Variants in ZNF485 observed in about 807,000 individuals in gnomAD.
ZNF485 encodes Zinc finger protein 93 (Zinc finger protein HTF34).
In ZNF485, 9 loss-of-function variants were observed where a neutral mutation model predicts 10.8. The ratio of observed to expected loss-of-function variants is 0.83; its 90% CI spans 0.50 to 1.45. The LOEUF is 1.45. Among genes scored for constraint, ZNF485 ranks in the 40% most tolerant of loss-of-function variants. The pLI is 0.00. For missense variants in ZNF485, 487 were observed against 528.0 expected (o/e 0.92, Z 0.76); for synonymous variants, 187 against 181.0 (o/e 1.03, Z -0.27).
intron 3 of ZNF485, 127 bp downstream of exon 3, chr10:43,608,867 A>G: frequency 1.5e-6 from 2 of 1,311,166 alleles, no homozygotes; most frequent in South Asian, 1.5e-5. Flanking sequence ...TTTCTTAAGT[A>G]TGGGCTTAGA....
At chr10:43,612,169 T>C (rs1045777698) in intron 4 of ZNF485, among the ~76,000 whole-genome samples, 4 of 152,236 alleles carry the variant, frequency 2.6e-5, no homozygotes, top group Non-Finnish European at 5.9e-5. Flanking sequence ...TATCTGTCTT[T>C]TCCATTTTGA....
Position 43,616,950 on chromosome 10 carries a change from TG to T in ZNF485, c.908del (p.Cys303LeufsTer136). 1 of 1,614,142 alleles carries T rather than the reference TG, an allele frequency of 6.2e-7. No homozygotes were observed. On this transcript the variant is annotated frameshift_variant, in exon 5 of 5. Transcript: ENST00000361807. LOFTEE classifies it low-confidence loss of function (END_TRUNC). Reference protein sequence around the residue: ...TGEKPYQCNECGKAFRKSSTL... With the variant: ...TGEKPYQCNEXGKAFRKSSTL... Reference sequence around the variant, plus strand: ...TGAGAAGCCATATCAGTGTAATGAATGTGGAAAAGCCTTTAGGAAGAGCTCA... The same window carrying T: ...TGAGAAGCCATATCAGTGTAATGAATTGGAAAAGCCTTTAGGAAGAGCTCA...
In ZNF485 at chr10:43,609,549, G is replaced by A. The variant is rs532519587; in HGVS notation, c.247+199G>A. 3.9e-5 allele frequency among the ~76,000 whole-genome samples: 6 copies of A among 152,230 alleles called. 1 individual carries two copies. The highest frequency in any genetic ancestry group is 1.4e-4 in the African/African-American group (6 of 41,532). ...TTGGGAGGGCTGCTGCCTTCCTGAG[G>A]GCCTCAGGCCCATCTGTGCCATCTC... On this transcript the variant is annotated intron_variant, in intron 4 of 4. Coordinates refer to ENST00000361807, the MANE Select transcript of ZNF485 (RefSeq NM_145312.4).
Position 43,607,106 on chromosome 10 carries a change from C to A in ZNF485, c.24+32C>A, listed in dbSNP as rs138432622. ...TTGATTTTTCCATTTCTTGAGAAAC[C>A]ACGTGTTTCAGCGAGGTGGGGTTTA... is the stretch of plus-strand genomic sequence containing the variant. On this transcript the variant is annotated intron_variant, in intron 2 of 4. Coordinates refer to ENST00000361807, the MANE Select transcript of ZNF485 (RefSeq NM_145312.4). 1.2e-4 allele frequency: 187 copies of A among 1,550,818 alleles called. No homozygotes were observed. The African/African-American group carries it at 2.2e-3, about 18-fold the overall frequency.
chr10:43,608,567 C>A (rs1420485371), intron 2 of ZNF485, 47 bp from the exon 3 acceptor site: 1 of 1,567,706 alleles, frequency 6.4e-7, no homozygotes, highest in Non-Finnish European at 8.7e-7. Flanking sequence ...CTTGGGATGC[C>A]TCCCTCAGGG....
chr10:43,609,110 G>T, intron 3 of ZNF485, 145 bp from the exon 4 acceptor site: 2 of 656,240 alleles, frequency 3.0e-6, no homozygotes, highest in Non-Finnish European at 5.2e-6. Context: ...CCACCCTCTA[G>T]GCCTCTCTGA....
intron 4 of ZNF485, among the ~76,000 whole-genome samples, chr10:43,615,881 C>G (rs924459200): frequency 6.6e-6 from 1 of 152,214 alleles, no homozygotes; most frequent in Non-Finnish European, 1.5e-5. Flanking sequence ...TTGGTGACAT[C>G]ATAATGTTCT....
chr10:43,607,567 C>G (rs1838677370), intron 2 of ZNF485, among the ~76,000 whole-genome samples: 1 of 152,098 alleles, frequency 6.6e-6, no homozygotes, highest in Admixed American at 6.5e-5. Context: ...GGTCTAGAAT[C>G]CCAGACTGGA....
At position 43,617,496 on chromosome 10, in the gene ZNF485, G is replaced by T; in HGVS notation, c.*127G>T. The stretch of plus-strand genomic sequence containing the variant: ...CACATCACTTGTGAGGATATTCATT[G>T]TGAGGTTCTACTAGTGAAATATTTG... On this transcript the variant is annotated 3_prime_UTR_variant, in exon 5 of 5. Coordinates refer to ENST00000361807, the MANE Select transcript of ZNF485 (RefSeq NM_145312.4). 1.4e-6 allele frequency: 1 copy of T among 720,192 alleles called. No individual in the cohort carries two copies. The highest frequency in any genetic ancestry group is 2.2e-6 in the Non-Finnish European group (1 of 444,976). The allele number at this position is 720,192 out of a possible 1,614,324, so 44.6% of individuals were successfully genotyped here. A position where few individuals can be genotyped will look rare whatever the true frequency, so the allele number is the denominator to read the frequency against.
At chr10:43,607,961 G>T (rs1838685529) in intron 2 of ZNF485, among the ~76,000 whole-genome samples, 1 of 152,224 alleles carries the variant, frequency 6.6e-6, no homozygotes, top group South Asian at 2.1e-4. Context: ...AGTTACGGCA[G>T]AAATTTAGAG....
rs375144967 is a variant in ZNF485, at chr10:43,606,966, G to A, written c.-54-31G>A. 2.5e-5 allele frequency: 38 copies of A among 1,523,746 alleles called. No individual in the cohort carries two copies. The African/African-American group carries it at 3.7e-4, about 15-fold the overall frequency. The allele number at this position is 1,523,746 out of a possible 1,614,324, so 94.4% of individuals were successfully genotyped here. ...TTCTAGCTAGGCTAGGGCACGGAGGGACTTCCTCAATTTCCTCTCTTCTTT... is the reference window on the plus strand; with the variant it reads ...TTCTAGCTAGGCTAGGGCACGGAGGAACTTCCTCAATTTCCTCTCTTCTTT... On this transcript the variant is annotated intron_variant, in intron 1 of 4. Transcript: ENST00000361807.
intron 4 of ZNF485, among the ~76,000 whole-genome samples, chr10:43,614,686 C>A (rs899034817): frequency 6.6e-6 from 1 of 151,836 alleles, no homozygotes; most frequent in Non-Finnish European, 1.5e-5. Context: ...TATATATTAA[C>A]AATTATTTAC....
At chr10:43,607,132 T>TG in intron 2 of ZNF485, 58 bp downstream of exon 2, 1 of 1,545,378 alleles carries the variant, frequency 6.5e-7, no homozygotes, top group Non-Finnish European at 8.8e-7. Context: ...GTGGGGTTTA[T>TG]GCCTCTTGCC....
At chr10:43,607,313 A>C in intron 2 of ZNF485, 1 of 601,840 alleles carries the variant, frequency 1.7e-6, no homozygotes, top group Non-Finnish European at 3.0e-6. Context: ...CTGGCAGACG[A>C]TGAAAAAAAT....
In ZNF485 at chr10:43,617,035, G is replaced by T. The variant is rs750951887; in HGVS notation, c.992G>T (p.Cys331Phe). Residue 331 changes from cysteine to phenylalanine, a missense_variant, in exon 5 of 5, where the codon TGT (cysteine) becomes TTT (phenylalanine). Transcript: ENST00000361807. The stretch of plus-strand genomic sequence containing the variant: ...GAGAAACCCTATCACTGCAGTAAAT[G>T]TGGAAAATCTTTCAGGTATAGCTCA... ...TGEKPYHCSK[C>F]GKSFRYSSSF... 2 of 1,614,182 alleles carry T rather than the reference G, an allele frequency of 1.2e-6. No individual in the cohort carries two copies.
rs918679221 is a variant in ZNF485, at chr10:43,607,060, A to G, written c.10A>G (p.Arg4Gly). 3 of 1,551,732 alleles carry G rather than the reference A, an allele frequency of 1.9e-6. No individual in the cohort carries two copies. Among genetic ancestry groups the G allele is most frequent in the Middle Eastern group, 1.7e-4 (1 of 5,950 alleles). Residue 4 changes from arginine to glycine, a missense_variant, in exon 2 of 5, where the codon AGA becomes GGA. Physicochemically the swap from Arg to Gly is moderately radical, Grantham distance 125 (BLOSUM62 -2). Transcript: ENST00000361807. MAP[R>G]AQIQGPLTFG... Reference sequence around the variant, plus strand: ...ACAGTTCAGGAGACAGATGGCCCCAAGAGCCCAGATCCAGGCAAGTTTGAT... The same window carrying G: ...ACAGTTCAGGAGACAGATGGCCCCAGGAGCCCAGATCCAGGCAAGTTTGAT...
intron 4 of ZNF485, among the ~76,000 whole-genome samples, chr10:43,613,091 C>T (rs976190159): frequency 2.0e-5 from 3 of 152,140 alleles, no homozygotes; most frequent in African/African-American, 2.4e-5. Context: ...GCTAGACTCT[C>T]CTTTTCTTAA....
In ZNF485 at chr10:43,616,275, TA is replaced by T. The variant is rs1838853420; in HGVS notation, c.248-12del. Reference sequence around the variant, plus strand: ...TCAACATAAAGAACATTTGAATTTTTAAAATTTTCTTTCAGTCGAGGATTAC... The same window carrying T: ...TCAACATAAAGAACATTTGAATTTTTAAATTTTCTTTCAGTCGAGGATTAC... On this transcript the variant is annotated splice_polypyrimidine_tract_variant and intron_variant, in intron 4 of 4. Transcript: ENST00000361807. 1.3e-6 allele frequency: 2 copies of T among 1,532,728 alleles called. No homozygotes were observed. Among genetic ancestry groups the T allele is most frequent in the African/African-American group, 2.8e-5 (2 of 71,820 alleles). 94.9% of individuals were successfully genotyped at this position (1,532,728 alleles called of 1,614,324 possible).
chr10:43,616,352 T>C lies in ZNF485; in HGVS notation c.309T>C (p.Ser103=), dbSNP rs17447580. ...TAAAGCAAAGCACTTCTGAAGCATC[T>C]GTTCTGGGAGAGCGAACGAAAAGTG... is the stretch of plus-strand genomic sequence containing the variant. ...SALKQSTSEA[S]VLGERTKSVM... Residue 103 remains serine, a synonymous_variant, in exon 5 of 5, where the codon TCT becomes TCC. Transcript: ENST00000361807. 0.059 allele frequency: 94,461 copies of C among 1,611,704 alleles called. 3,042 individuals carry two copies. The highest frequency in any genetic ancestry group is 0.066 in the Middle Eastern group (401 of 6,032).
Sources: gnomAD v4.1 joint callset for allele counts (sites outside exome capture counted in the v4.1 genomes callset) on GRCh38, gnomAD v4.1.1 for gene constraint, MANE v1.5 for transcripts, NCBI Gene and HGNC (gene_info 2026-07-23, HGNC 2026-07-21) for gene names.